Variants in TYW5 observed in about 807,000 individuals in gnomAD.
TYW5 encodes tRNA wybutosine-synthesizing protein 5.
A neutral mutation model predicts 44.4 loss-of-function variants in TYW5; 36 were observed. The ratio of observed to expected loss-of-function variants is 0.81; its 90% CI spans 0.62 to 1.07. The LOEUF (loss-of-function observed/expected upper bound fraction) is 1.07. Among genes scored for constraint, TYW5 ranks in the 50% least tolerant of loss-of-function variants. The probability of loss-of-function intolerance (pLI) is 0.00; values close to 1 mark genes in which losing one functional copy is unlikely to be tolerated. For missense variants in TYW5, 354 were observed against 365.7 expected (o/e 0.97, Z 0.26); for synonymous variants, 121 against 128.1 (o/e 0.94, Z 0.37).
intron 5 of TYW5, among the ~76,000 whole-genome samples, chr2:199,936,924 A>G (rs1163007579): frequency 1.3e-5 from 2 of 152,168 alleles, no homozygotes; most frequent in African/African-American, 4.8e-5. Flanking sequence ...CACTCTTAAT[A>G]TATGTTCAAC....
At chr2:199,953,406 T>C (rs1480130589) in intron 1 of TYW5, among the ~76,000 whole-genome samples, 4 of 152,234 alleles carry the variant, frequency 2.6e-5, no homozygotes, top group East Asian at 3.8e-4. Context: ...GGGATGTTGA[T>C]CATGGAGGAG....
intron 1 of TYW5, among the ~76,000 whole-genome samples, chr2:199,953,547 G>C (rs1038009526): frequency 2.6e-5 from 4 of 152,042 alleles, no homozygotes; most frequent in Non-Finnish European, 5.9e-5. Flanking sequence ...ATTGATTTTT[G>C]AAATGTCATG....
At chr2:199,950,573 C>G (rs1704193) in intron 1 of TYW5, among the ~76,000 whole-genome samples, 15,608 of 152,160 alleles carry the variant, frequency 0.1, 1,210 homozygotes, top group Admixed American at 0.24. Context: ...TCCCACAACC[C>G]CAAGATGTGC....
At chr2:199,953,264 CGTGAG>C (rs1401139114) in intron 1 of TYW5, among the ~76,000 whole-genome samples, 1 of 151,964 alleles carries the variant, frequency 6.6e-6, no homozygotes, top group Admixed American at 6.6e-5. Flanking sequence ...CAGAGGTTAA[CGTGAG>C]CCGAGACTGT....
At chr2:199,941,103 A>G (rs1337751756) in intron 3 of TYW5, among the ~76,000 whole-genome samples, 1 of 152,238 alleles carries the variant, frequency 6.6e-6, no homozygotes, top group Admixed American at 6.5e-5. Context: ...TCTGTCACCC[A>G]GGCTGGAGTG....
Position 199,930,237 on chromosome 2 carries a change from T to C in TYW5, c.*2830A>G, listed in dbSNP as rs905734328. The C allele has an allele frequency of 6.6e-6, 1 of 152,116 alleles. No homozygotes were observed. Among genetic ancestry groups the C allele is most frequent in the African/African-American group, 2.4e-5 (1 of 41,424 alleles). The allele number at this position is 152,116 out of a possible 1,614,324, so 9.4% of individuals were successfully genotyped here. The stretch of plus-strand genomic sequence containing the variant: ...GATGATCCACCCACCTCGGTGCATA[T>C]AGTATTTTTAAAATGTATTTTGAAA... On this transcript the variant is annotated 3_prime_UTR_variant, in exon 8 of 8. Transcript: ENST00000354611.
intron 1 of TYW5, 162 bp downstream of exon 1, chr2:199,955,231 C>A: frequency 2.9e-6 from 2 of 697,838 alleles, no homozygotes; most frequent in South Asian, 2.0e-5. Flanking sequence ...CGGCGTCCCC[C>A]GTGCACCTTT....
chr2:199,939,661 C>T (rs747264351), intron 4 of TYW5, among the ~76,000 whole-genome samples: 1 of 152,010 alleles, frequency 6.6e-6, no homozygotes, highest in Non-Finnish European at 1.5e-5. Flanking sequence ...TAAATGGTGA[C>T]ATAAATGGAA....
rs916422465 is a variant in TYW5, at chr2:199,944,370, C to T, written c.234-536G>A. On this transcript the variant is annotated intron_variant, in intron 2 of 7. Transcript: ENST00000354611. ...CTCATCCTGCTGCACCACCCTCTAT[C>T]ATTTTAAGGCTTCTGAAGAATAGCT... The T allele has an allele frequency of 4.6e-5, 7 of 152,312 alleles. No homozygotes were observed. In the East Asian group the frequency reaches 1.2e-3, roughly 25 times the overall value. 9.4% of individuals were successfully genotyped at this position (152,312 alleles called of 1,614,324 possible). A position where few individuals can be genotyped will look rare whatever the true frequency, so the allele number is the denominator to read the frequency against.
chr2:199,932,114 G>C lies in TYW5; in HGVS notation c.*953C>G, dbSNP rs1157304936. The C allele has an allele frequency of 6.6e-6, 1 of 152,106 alleles. No individual in the cohort carries two copies. The highest frequency in any genetic ancestry group is 2.4e-5 in the African/African-American group (1 of 41,418). 9.4% of individuals were successfully genotyped at this position (152,106 alleles called of 1,614,324 possible). The stretch of plus-strand genomic sequence containing the variant: ...CAAGATCAGATTAAACATTTGTTTT[G>C]CACTAATCACAAAACTAATAATCCA... On this transcript the variant is annotated 3_prime_UTR_variant, in exon 8 of 8. Transcript: ENST00000354611.
In TYW5 at chr2:199,935,965, A is replaced by C. The variant is rs781741946; in HGVS notation, c.657T>G (p.Cys219Trp). 1 of 1,612,734 alleles carries C rather than the reference A, an allele frequency of 6.2e-7. No homozygotes were observed. Among genetic ancestry groups the C allele is most frequent in the Non-Finnish European group, 8.5e-7 (1 of 1,179,030 alleles). ...ATAATACATCACCAGCTTCAAGGGA[A>C]CATTCATATCTTCTAGCCTTGGAAA... is the stretch of plus-strand genomic sequence containing the variant. ...PLFSKARRYE[C>W]SLEAGDVLFI... The change falls in exon 7 of 8, where the codon TGT (cysteine) becomes TGG (tryptophan). Residue 219 changes from cysteine (C) to tryptophan (W), a missense_variant. Physicochemically the swap from Cys to Trp is radical, Grantham distance 215. Coordinates refer to ENST00000354611, the MANE Select transcript of TYW5 (RefSeq NM_001039693.3).
At chr2:199,950,669 C>T (rs1455837468) in intron 1 of TYW5, among the ~76,000 whole-genome samples, 1 of 152,058 alleles carries the variant, frequency 6.6e-6, no homozygotes. Context: ...TGTGTATGTG[C>T]ACGTGCGCGT....
chr2:199,954,993 G>C (rs1388665247), intron 1 of TYW5, among the ~76,000 whole-genome samples: 1 of 152,176 alleles, frequency 6.6e-6, no homozygotes, highest in Non-Finnish European at 1.5e-5. Flanking sequence ...TAGAACCTAA[G>C]TAAGTTAGAA....
At position 199,935,889 on chromosome 2, in the gene TYW5, A is replaced by C. The variant is rs770953456; in HGVS notation, c.691+42T>G. The C allele has an allele frequency of 1.0e-5, 13 of 1,292,040 alleles. No homozygotes were observed. In the Middle Eastern group the frequency reaches 5.6e-4, roughly 56 times the overall value. The allele number at this position is 1,292,040 out of a possible 1,614,324, so 80.0% of individuals were successfully genotyped here. ...ACATGAAGGATGAGTGACAGAGTACACATTTTATAAATAGCACATTAGTGA... is the reference window on the plus strand; with the variant it reads ...ACATGAAGGATGAGTGACAGAGTACCCATTTTATAAATAGCACATTAGTGA... On this transcript the variant is annotated intron_variant, in intron 7 of 7. Transcript: ENST00000354611.
chr2:199,935,778 GCA>G (rs113790179), intron 7 of TYW5, among the ~76,000 whole-genome samples, 151 bp downstream of exon 7: 15 of 121,710 alleles, frequency 1.2e-4, no homozygotes, highest in South Asian at 7.9e-4. Context: ...ACACACACAC[GCA>G]CACACAGAGT....
At position 199,930,079 on chromosome 2, in the gene TYW5, G is replaced by A. The variant is rs2077363641; in HGVS notation, c.*2988C>T. 1 of 148,412 alleles carries A rather than the reference G, an allele frequency of 6.7e-6. No homozygotes were observed. Among genetic ancestry groups the A allele is most frequent in the Non-Finnish European group, 1.5e-5 (1 of 67,768 alleles). The allele number at this position is 148,412 out of a possible 1,614,324, so 9.2% of individuals were successfully genotyped here. On this transcript the variant is annotated 3_prime_UTR_variant, in exon 8 of 8. Transcript: ENST00000354611. ...CAACCTGCACCTCCCAGGCTCAAGT[G>A]ATCCTCCTATCTTAGCCTCCTGAGT...
chr2:199,943,060 T>C (rs1023492802), intron 3 of TYW5: 5 of 152,186 alleles, frequency 3.3e-5, no homozygotes, highest in Admixed American at 1.3e-4. Context: ...TTCTCCATGT[T>C]GGTCAGGCTG....
chr2:199,939,198 C>A, intron 4 of TYW5, 128 bp from the exon 5 acceptor site: 1 of 763,846 alleles, frequency 1.3e-6, no homozygotes. Context: ...CATGATCTCT[C>A]TCTCTCTATC....
intron 5 of TYW5, among the ~76,000 whole-genome samples, chr2:199,936,822 AATG>A (rs1478786038): frequency 6.6e-6 from 1 of 152,208 alleles, no homozygotes; most frequent in Non-Finnish European, 1.5e-5. Flanking sequence ...TCTGTTAAGG[AATG>A]CTATAAGCCC....
Sources: allele counts gnomAD v4.1 joint callset (sites outside exome capture counted in the v4.1 genomes callset), GRCh38; gene constraint gnomAD v4.1.1; transcripts MANE v1.5; gene names NCBI Gene and HGNC (gene_info 2026-07-23, HGNC 2026-07-21).